ABTB3: variants seen among roughly 807,000 people sequenced by gnomAD.
ABTB3 encodes ankyrin repeat and BTB domain containing 3, also known as ankyrin repeat- and BTB/POZ domain-containing protein 3.
At chr12:107,512,814 C>T in the ABTB3 span, among the ~76,000 whole-genome samples, 1 of 152,226 alleles carries the variant, frequency 6.6e-6, no homozygotes, top group Non-Finnish European at 1.5e-5. Flanking sequence ...AACACTTCCT[C>T]TATGCCAGGT....
chr12:107,420,913 G>A, the ABTB3 span, among the ~76,000 whole-genome samples: 1 of 152,090 alleles, frequency 6.6e-6, no homozygotes, highest in Non-Finnish European at 1.5e-5. Context: ...CTAAATGTAG[G>A]TATTTTCCAA....
At chr12:107,407,081 A>G in the ABTB3 span, among the ~76,000 whole-genome samples, 1 of 152,154 alleles carries the variant, frequency 6.6e-6, no homozygotes, top group South Asian at 2.1e-4. Context: ...ATGAGGATTC[A>G]GTGAGTTAAT....
the ABTB3 span, among the ~76,000 whole-genome samples, chr12:107,503,821 G>A: frequency 6.6e-6 from 1 of 151,810 alleles, no homozygotes; most frequent in East Asian, 1.9e-4. Flanking sequence ...TTAATACAGT[G>A]GGGTGGCGGT....
the ABTB3 span, among the ~76,000 whole-genome samples, chr12:107,518,407 T>C: frequency 6.6e-6 from 1 of 152,090 alleles, no homozygotes; most frequent in African/African-American, 2.4e-5. Context: ...GTGGCACATA[T>C]ATACACTATG....
At chr12:107,409,761 C>G in the ABTB3 span, among the ~76,000 whole-genome samples, 1 of 152,160 alleles carries the variant, frequency 6.6e-6, no homozygotes, top group Non-Finnish European at 1.5e-5. Context: ...GACTTAATAC[C>G]TAGGTGATGG....
At chr12:107,588,950 T>G in the ABTB3 span, among the ~76,000 whole-genome samples, 2 of 152,210 alleles carry the variant, frequency 1.3e-5, no homozygotes, top group African/African-American at 4.8e-5. Flanking sequence ...AGCAGAGCAC[T>G]GTGGTTAGAA....
the ABTB3 span, among the ~76,000 whole-genome samples, chr12:107,540,006 T>G: frequency 6.6e-6 from 1 of 152,056 alleles, no homozygotes; most frequent in African/African-American, 2.4e-5. Context: ...CTGTGGGAAA[T>G]GGAGAGTGGA....
At chr12:107,519,613 A>G in the ABTB3 span, among the ~76,000 whole-genome samples, 1 of 152,132 alleles carries the variant, frequency 6.6e-6, no homozygotes, top group African/African-American at 2.4e-5. Context: ...CCACCACACC[A>G]GGCCTAGGGC....
the ABTB3 span, among the ~76,000 whole-genome samples, chr12:107,386,437 A>G: frequency 6.6e-6 from 1 of 152,204 alleles, no homozygotes; most frequent in South Asian, 2.1e-4. Context: ...GTATATACTC[A>G]AAAATTTTTG....
At chr12:107,535,291 A>C in the ABTB3 span, among the ~76,000 whole-genome samples, 3 of 152,162 alleles carry the variant, frequency 2.0e-5, no homozygotes, top group Non-Finnish European at 2.9e-5. Context: ...AACACAGTGA[A>C]GGCCATATAT....
chr12:107,608,493 A>G, the ABTB3 span, among the ~76,000 whole-genome samples: 35 of 152,280 alleles, frequency 2.3e-4, no homozygotes, highest in Non-Finnish European at 4.4e-4. Flanking sequence ...TTACCCTCAC[A>G]CAACCTGTGT....
At chr12:107,476,133 G>A in the ABTB3 span, among the ~76,000 whole-genome samples, 1 of 152,170 alleles carries the variant, frequency 6.6e-6, no homozygotes, top group East Asian at 1.9e-4. Context: ...GAGGTTTGAG[G>A]GAGGGCAGTG....
chr12:107,424,383 G>T, the ABTB3 span, among the ~76,000 whole-genome samples: 1 of 152,178 alleles, frequency 6.6e-6, no homozygotes, highest in African/African-American at 2.4e-5. Flanking sequence ...GCTGCTCTGT[G>T]GTCCATTCAG....
the ABTB3 span, among the ~76,000 whole-genome samples, chr12:107,340,073 G>GC: frequency 4.1e-4 from 59 of 144,716 alleles, no homozygotes; most frequent in African/African-American, 1.3e-3. Context: ...TTTTTTTTTT[G>GC]CCCCCCAACG....
the ABTB3 span, among the ~76,000 whole-genome samples, chr12:107,513,289 G>A: frequency 6.6e-6 from 1 of 152,104 alleles, no homozygotes; most frequent in Non-Finnish European, 1.5e-5. Context: ...CATCTGATAT[G>A]GTTTGGCTCT....
chr12:107,319,733 G>A, the ABTB3 span: 2 of 1,529,768 alleles, frequency 1.3e-6, no homozygotes, highest in Non-Finnish European at 1.7e-6. Flanking sequence ...CAGTGGCCCT[G>A]GGTCAGGCTC....
the ABTB3 span, among the ~76,000 whole-genome samples, chr12:107,654,913 C>A: frequency 0.026 from 3,794 of 147,748 alleles, 166 homozygotes; most frequent in African/African-American, 0.092. Context: ...AGGACACAAG[C>A]ATTTTTTTTT....
the ABTB3 span, among the ~76,000 whole-genome samples, chr12:107,454,923 A>G: frequency 1.3e-5 from 2 of 152,218 alleles, no homozygotes; most frequent in African/African-American, 4.8e-5. Context: ...TGTTACAGTC[A>G]TATTTAACCT....
At chr12:107,459,599 G>T in the ABTB3 span, among the ~76,000 whole-genome samples, 1 of 152,242 alleles carries the variant, frequency 6.6e-6, no homozygotes, top group Non-Finnish European at 1.5e-5. Flanking sequence ...AAGTAAGGAA[G>T]TGCCTAGTGC....
Sources: allele counts gnomAD v4.1 joint callset (sites outside exome capture counted in the v4.1 genomes callset), GRCh38; gene constraint gnomAD v4.1.1; transcripts MANE v1.5; gene names NCBI Gene and HGNC (gene_info 2026-07-23, HGNC 2026-07-21).